Variants in PTPN4 observed in about 807,000 individuals in gnomAD.
PTPN4 encodes protein tyrosine phosphatase non-receptor type 4.
In PTPN4, 49 loss-of-function variants were observed where a neutral mutation model predicts 135.5. The observed-to-expected ratio is 0.36, with a 90% CI of 0.29 to 0.46. The LOEUF (loss-of-function observed/expected upper bound fraction) is 0.46, where lower values mean the gene tolerates loss of function less well. PTPN4 is among the 20% of genes least tolerant of loss of function. PTPN4 has a pLI of 1.00. For missense variants in PTPN4, 860 were observed against 1,101.0 expected (o/e 0.78, Z 3.10); for synonymous variants, 333 against 369.9 (o/e 0.90, Z 1.14).
At chr2:119,957,415 C>T (rs944156326) in intron 22 of PTPN4, among the ~76,000 whole-genome samples, 2 of 152,076 alleles carry the variant, frequency 1.3e-5, no homozygotes, top group African/African-American at 4.8e-5. Context: ...GGCCATGGAC[C>T]AGTAATTGTC....
At position 119,977,411 on chromosome 2, in the gene PTPN4, T is replaced by C. The variant is rs563887542; in HGVS notation, c.*341T>C. The C allele has an allele frequency of 3.3e-5, 6 of 180,824 alleles. No individual in the cohort carries two copies. The highest frequency in any genetic ancestry group is 2.3e-3 in the Middle Eastern group (1 of 432). 11.2% of individuals were successfully genotyped at this position (180,824 alleles called of 1,614,324 possible). The stretch of plus-strand genomic sequence containing the variant: ...CTCAAAATTCTCATCATCTCTGTTA[T>C]ACACCTGTATCATGAAAGCAAAAAG... On this transcript the variant is annotated 3_prime_UTR_variant, in exon 27 of 27. Transcript: ENST00000263708.
At chr2:119,958,966 G>C (rs1434240876) in intron 22 of PTPN4, among the ~76,000 whole-genome samples, 1 of 151,902 alleles carries the variant, frequency 6.6e-6, no homozygotes, top group Non-Finnish European at 1.5e-5. Context: ...AACCCAAAAG[G>C]TAAAAAGTAA....
At chr2:119,829,989 G>GT (rs894765628) in intron 2 of PTPN4, among the ~76,000 whole-genome samples, 21 of 148,170 alleles carry the variant, frequency 1.4e-4, no homozygotes, top group African/African-American at 3.0e-4. Context: ...TATTTTCCAG[G>GT]TTTTTTTTTT....
chr2:119,973,701 C>T (rs1258588050), intron 26 of PTPN4, among the ~76,000 whole-genome samples: 2 of 69,090 alleles, frequency 2.9e-5, no homozygotes, highest in African/African-American at 7.2e-5. Flanking sequence ...ACTTGATAAA[C>T]GAATCAGGTT....
intron 1 of PTPN4, among the ~76,000 whole-genome samples, chr2:119,809,594 A>G (rs537083986): frequency 6.6e-6 from 1 of 152,166 alleles, no homozygotes; most frequent in Non-Finnish European, 1.5e-5. Flanking sequence ...TTAAAAATTT[A>G]TGTATTAAAT....
At chr2:119,903,626 G>T (rs1388998614) in intron 10 of PTPN4, among the ~76,000 whole-genome samples, 38 of 151,778 alleles carry the variant, frequency 2.5e-4, no homozygotes, top group Admixed American at 2.5e-3. Context: ...CCTGCCACTG[G>T]CACCTGTGGG....
At chr2:119,802,600 T>C (rs1691396900) in intron 1 of PTPN4, among the ~76,000 whole-genome samples, 1 of 152,210 alleles carries the variant, frequency 6.6e-6, no homozygotes. Flanking sequence ...TCTTTTTACA[T>C]ATTGCTGAAT....
chr2:119,801,901 T>G (rs900046052), intron 1 of PTPN4, among the ~76,000 whole-genome samples: 2 of 69,340 alleles, frequency 2.9e-5, no homozygotes, highest in East Asian at 6.7e-4. Flanking sequence ...TTTCTTTCCG[T>G]TTTTTTTTTT....
chr2:119,956,288 A>G (rs1375186479), intron 20 of PTPN4, among the ~76,000 whole-genome samples: 1 of 118,144 alleles, frequency 8.5e-6, no homozygotes, highest in African/African-American at 3.2e-5. Context: ...TATGTTGCCT[A>G]GGCTGATCTC....
chr2:119,941,171 G>A (rs939131668), intron 15 of PTPN4, among the ~76,000 whole-genome samples: 7 of 152,198 alleles, frequency 4.6e-5, no homozygotes, highest in African/African-American at 1.4e-4. Context: ...TATTTTTAAT[G>A]TATCATTTCT....
At chr2:119,784,232 A>G (rs563729366) in intron 1 of PTPN4, among the ~76,000 whole-genome samples, 2 of 138,046 alleles carry the variant, frequency 1.4e-5, no homozygotes, top group Non-Finnish European at 3.1e-5. Context: ...TTCTTCCCCC[A>G]CCCCTCCTTC....
intron 1 of PTPN4, among the ~76,000 whole-genome samples, chr2:119,804,684 G>T (rs1444140072): frequency 1.3e-5 from 2 of 152,134 alleles, no homozygotes; most frequent in African/African-American, 2.4e-5. Flanking sequence ...TATCATAGAT[G>T]AACATTTGGG....
chr2:119,950,042 AAG>A (rs1437466631), intron 18 of PTPN4, among the ~76,000 whole-genome samples: 1 of 152,212 alleles, frequency 6.6e-6, no homozygotes, highest in Non-Finnish European at 1.5e-5. Context: ...TATTAACTAT[AAG>A]AGAGTTCCCT....
At chr2:119,851,452 C>T (rs1189449414) in intron 2 of PTPN4, among the ~76,000 whole-genome samples, 1 of 152,190 alleles carries the variant, frequency 6.6e-6, no homozygotes, top group Non-Finnish European at 1.5e-5. Flanking sequence ...TAACTGTGAT[C>T]CTAGGACTTT....
chr2:119,905,326 C>G lies in PTPN4; in HGVS notation c.764+4520C>G, dbSNP rs148713798. 2.0e-5 allele frequency among the ~76,000 whole-genome samples: 3 copies of G among 152,106 alleles called. No homozygotes were observed. In the East Asian group the frequency reaches 5.8e-4, roughly 29 times the overall value. On this transcript the variant is annotated intron_variant, in intron 10 of 26. Coordinates refer to ENST00000263708, the MANE Select transcript of PTPN4 (RefSeq NM_002830.4). The stretch of plus-strand genomic sequence containing the variant: ...ATCCCATGTAAATGGAAACCAAGAG[C>G]GTACAGAAGCAGTTATTTTAGACAA...
intron 1 of PTPN4, among the ~76,000 whole-genome samples, chr2:119,809,610 G>A (rs1691540861): frequency 6.6e-6 from 1 of 151,324 alleles, no homozygotes; most frequent in Admixed American, 6.6e-5. Flanking sequence ...TAAATCTTCT[G>A]GATGGAGCAG....
chr2:119,828,629 T>G (rs1046923070), intron 2 of PTPN4, among the ~76,000 whole-genome samples: 2 of 152,220 alleles, frequency 1.3e-5, no homozygotes, highest in African/African-American at 2.4e-5. Flanking sequence ...TTTTCCAAAG[T>G]GGCTATAAGT....
intron 9 of PTPN4, among the ~76,000 whole-genome samples, chr2:119,890,503 A>G (rs1377862502): frequency 1.3e-5 from 2 of 152,018 alleles, no homozygotes; most frequent in South Asian, 2.1e-4. Context: ...AATTTGATCT[A>G]TTTACATTCA....
chr2:119,958,441 A>G (rs1375065700), intron 22 of PTPN4, among the ~76,000 whole-genome samples: 4 of 151,604 alleles, frequency 2.6e-5, no homozygotes, highest in Admixed American at 2.6e-4. Flanking sequence ...AATTTATACA[A>G]AAGTAGAGAG....
Sources: gnomAD v4.1 joint callset for allele counts (sites outside exome capture counted in the v4.1 genomes callset) on GRCh38, gnomAD v4.1.1 for gene constraint, MANE v1.5 for transcripts, NCBI Gene and HGNC (gene_info 2026-07-23, HGNC 2026-07-21) for gene names.